Variants in CLDN14 observed in about 807,000 individuals in gnomAD.
CLDN14 encodes claudin 14, also known as claudin-14.
Under a neutral mutation model 2.1 loss-of-function variants are expected in CLDN14, and 2 were observed. The observed-to-expected ratio is 0.96, with a 90% CI of 0.39 to 3.01. The LOEUF (loss-of-function observed/expected upper bound fraction) is 3.01. CLDN14 is among the 30% of genes most tolerant of loss of function. The probability of loss-of-function intolerance (pLI) is 0.09; values close to 1 mark genes in which losing one functional copy is unlikely to be tolerated. For missense variants in CLDN14, 298 were observed against 328.0 expected, an observed-to-expected ratio of 0.91 and a Z score of 0.71; for synonymous variants, 136 against 154.4, an observed-to-expected ratio of 0.88 and a Z score of 0.88.
intron 2 of CLDN14, among the ~76,000 whole-genome samples, chr21:36,502,103 G>A (rs2087097068): frequency 6.6e-6 from 1 of 152,112 alleles, no homozygotes; most frequent in Non-Finnish European, 1.5e-5. Context: ...TGAGCCAAAA[G>A]CAGTCACAGG....
At chr21:36,528,002 C>T (rs1281067395) in intron 1 of CLDN14, among the ~76,000 whole-genome samples, 1 of 152,114 alleles carries the variant, frequency 6.6e-6, no homozygotes, top group Non-Finnish European at 1.5e-5. Context: ...CCTGAACAGA[C>T]TCAAATGATT....
At chr21:36,495,125 C>T (rs1248827786) in intron 2 of CLDN14, among the ~76,000 whole-genome samples, 3 of 152,060 alleles carry the variant, frequency 2.0e-5, no homozygotes, top group Non-Finnish European at 4.4e-5. Flanking sequence ...GTCAGGAGTT[C>T]GAGACTAGCC....
rs770435259 is a variant in CLDN14 at position 36,460,970 on chromosome 21, G to A, written c.*6C>T. 1.9e-6 allele frequency: 3 copies of A among 1,611,662 alleles called. No individual in the cohort carries two copies. Among genetic ancestry groups the A allele is most frequent in the Non-Finnish European group, 2.5e-6 (3 of 1,179,488 alleles). On this transcript the variant is annotated 3_prime_UTR_variant, in exon 2 of 2. Coordinates refer to ENST00000399135, the MANE Select transcript of CLDN14 (RefSeq NM_001146079.2). This position sits in a 1 kb window ranked among gnomAD's most constrained non-coding sequence, Gnocchi z 4.0. ...GCAGCCCAGGGGAGAAGCAGGCTGT[G>A]GGGACTCACACGTAGTCGTTCAGCC...
chr21:36,518,066 TTACA>T (rs913764697), intron 1 of CLDN14, among the ~76,000 whole-genome samples: 4 of 95,378 alleles, frequency 4.2e-5, no homozygotes, highest in Admixed American at 1.1e-4. Context: ...CTCTCTCCAC[TTACA>T]TACGTACACA....
At chr21:36,490,983 CACA>C (rs2086958847) in intron 2 of CLDN14, among the ~76,000 whole-genome samples, 1 of 151,312 alleles carries the variant, frequency 6.6e-6, no homozygotes, top group Non-Finnish European at 1.5e-5. Flanking sequence ...CACACACACA[CACA>C]CACCCCTGGA....
At chr21:36,514,657 G>A (rs1001750100) in intron 1 of CLDN14, among the ~76,000 whole-genome samples, 2 of 145,072 alleles carry the variant, frequency 1.4e-5, no homozygotes, top group Admixed American at 1.4e-4. Context: ...GTGTGTGTGT[G>A]TGTGTAGAGA....
chr21:36,522,316 C>A (rs2087277086), intron 1 of CLDN14, among the ~76,000 whole-genome samples: 1 of 152,196 alleles, frequency 6.6e-6, no homozygotes, highest in East Asian at 1.9e-4. Context: ...CAAATAAGAA[C>A]CACAGGGGAG....
At chr21:36,573,966 AT>A (rs1453174953) in intron 1 of CLDN14, among the ~76,000 whole-genome samples, 2 of 152,192 alleles carry the variant, frequency 1.3e-5, no homozygotes, top group African/African-American at 4.8e-5. Flanking sequence ...AAGACTTAAT[AT>A]TGTTAAGATG....
At chr21:36,485,340 C>A (rs1447536696) in intron 2 of CLDN14, among the ~76,000 whole-genome samples, 1 of 152,040 alleles carries the variant, frequency 6.6e-6, no homozygotes, top group African/African-American at 2.4e-5. Flanking sequence ...TCCCAAGTAG[C>A]TGGGATTACA....
rs141084471 is a variant in CLDN14 at position 36,472,558 on chromosome 21, T to C, written c.-82+6937A>G. Among the ~76,000 whole-genome samples, 24 of 152,336 alleles carry C rather than the reference T, an allele frequency of 1.6e-4. No homozygotes were observed. In the East Asian group the frequency reaches 4.2e-3, roughly 27 times the overall value. On this transcript the variant is annotated intron_variant, in intron 1 of 1. Transcript: ENST00000399135. ...AACATTGAAAGCAGATTGCCCTCCA[T>C]AGTGTGGGTGGGCCACACCCAGTCA...
At chr21:36,541,939 A>G (rs1020251691) in intron 1 of CLDN14, among the ~76,000 whole-genome samples, 1 of 152,004 alleles carries the variant, frequency 6.6e-6, no homozygotes, top group Admixed American at 6.5e-5. Flanking sequence ...GTGTGTGTGA[A>G]CCACTGGAGT....
At chr21:36,466,423 C>T (rs2086647101) in intron 1 of CLDN14, 1 of 152,204 alleles carries the variant, frequency 6.6e-6, no homozygotes, top group Non-Finnish European at 1.5e-5. Context: ...GAAGGTGAAG[C>T]AAACACATCC....
At chr21:36,569,799 C>G (rs944691912) in intron 1 of CLDN14, among the ~76,000 whole-genome samples, 4 of 152,186 alleles carry the variant, frequency 2.6e-5, no homozygotes, top group African/African-American at 7.2e-5. Context: ...GTGTGGGTAG[C>G]CTGGCACTGA....
intron 1 of CLDN14, among the ~76,000 whole-genome samples, chr21:36,516,007 C>T (rs936199078): frequency 3.3e-5 from 5 of 151,826 alleles, no homozygotes; most frequent in East Asian, 1.9e-4. Flanking sequence ...AGGCTGGTCT[C>T]GAACTCCTGA....
At position 36,575,907 on chromosome 21, in the gene CLDN14, A is replaced by C. The variant is rs944862781; in HGVS notation, c.-220+504T>G. 2.0e-5 allele frequency among the ~76,000 whole-genome samples: 3 copies of C among 152,228 alleles called. No individual in the cohort carries two copies. In the East Asian group the frequency reaches 5.8e-4, roughly 29 times the overall value. On this transcript the variant is annotated intron_variant, in intron 1 of 2. Coordinates refer to the CLDN14 transcript ENST00000342108. ...TTAGAGTTTGTTAATGGAGACTGTA[A>C]CGACATTTCTGCAGTGACTCCCGAA... is the stretch of plus-strand genomic sequence containing the variant.
At position 36,461,667 on chromosome 21, in the gene CLDN14, C is replaced by T; in HGVS notation, c.29G>A (p.Gly10Asp). The change falls in exon 2 of 2, where the codon GGC becomes GAC. Residue 10 changes from glycine to aspartate, a missense_variant. Physicochemically the swap from Gly to Asp is moderately conservative, Grantham distance 94. Coordinates refer to ENST00000399135, the MANE Select transcript of CLDN14 (RefSeq NM_001146079.2). ...CATGCCCAGGAAGCTGAGCAGGAAG[C>T]CCAGAAGCTGCACGGCCGTGCTGGC... MASTAVQLL[G>D]FLLSFLGMVG... The T allele has an allele frequency of 6.4e-7, 1 of 1,559,948 alleles. No homozygotes were observed. Among genetic ancestry groups the T allele is most frequent in the South Asian group, 1.2e-5 (1 of 85,102 alleles).
At chr21:36,473,412 A>G (rs145731829) in intron 1 of CLDN14, among the ~76,000 whole-genome samples, 7 of 152,380 alleles carry the variant, frequency 4.6e-5, no homozygotes, top group African/African-American at 1.7e-4. Flanking sequence ...TGGACTTGCC[A>G]GCCTTGAGAA....
intron 1 of CLDN14, among the ~76,000 whole-genome samples, chr21:36,552,174 C>T (rs1009473131): frequency 1.3e-5 from 2 of 152,160 alleles, no homozygotes; most frequent in African/African-American, 2.4e-5. Flanking sequence ...CTCTGAAACA[C>T]GTTCAGAAGA....
intron 1 of CLDN14, among the ~76,000 whole-genome samples, chr21:36,470,467 C>T (rs936084048): frequency 1.3e-5 from 2 of 152,120 alleles, no homozygotes; most frequent in African/African-American, 2.4e-5. Context: ...GCCAGCAACC[C>T]GCAGAGGCCC....
Sources: allele counts gnomAD v4.1 joint callset (sites outside exome capture counted in the v4.1 genomes callset), GRCh38; gene constraint gnomAD v4.1.1; non-coding constraint Gnocchi (gnomAD v3.1); transcripts MANE v1.5; gene names NCBI Gene and HGNC (gene_info 2026-07-23, HGNC 2026-07-21).